ATXN1: variants seen among roughly 807,000 people sequenced by gnomAD.
ATXN1 encodes the protein ataxin-1.
A neutral mutation model predicts 56.4 loss-of-function variants in ATXN1; 8 were observed. The ratio of observed to expected loss-of-function variants is 0.14; its 90% CI spans 0.08 to 0.26. The LOEUF is 0.26. Among genes scored for constraint, ATXN1 ranks in the 10% least tolerant of loss-of-function variants. ATXN1 has a pLI of 1.00. For synonymous variants in ATXN1, 514 were observed against 494.6 expected, an observed-to-expected ratio of 1.04 and a Z score of -0.52; for missense variants, 987 against 1,106.5, an observed-to-expected ratio of 0.89 and a Z score of 1.53.
intron 5 of ATXN1, among the ~76,000 whole-genome samples, chr6:16,487,183 G>T (rs930013829): frequency 6.6e-6 from 1 of 152,134 alleles, no homozygotes; most frequent in Non-Finnish European, 1.5e-5. Context: ...ACAAGAAACA[G>T]AATTTAAGTG....
chr6:16,674,336 CTTTTTTTT>C (rs869081370), intron 2 of ATXN1, among the ~76,000 whole-genome samples: 93 of 78,116 alleles, frequency 1.2e-3, no homozygotes, highest in Middle Eastern at 0.016. Flanking sequence ...AGAGAACTTT[CTTTTTTTT>C]TTTTTTTTTT....
chr6:16,617,848 C>T (rs1763247564), intron 3 of ATXN1, among the ~76,000 whole-genome samples: 1 of 151,290 alleles, frequency 6.6e-6, no homozygotes, highest in Admixed American at 6.6e-5. Flanking sequence ...GATGTCTCCT[C>T]TCAGTGGGGC....
chr6:16,328,584 A>G lies in ATXN1; in HGVS notation c.-160-114T>C, dbSNP rs759873613. ...GGAAAGAACATCTTTGGCAAGATTA[A>G]GACTAGGCCCTGGACTCGGTGTGAA... On this transcript the variant is annotated intron_variant, in intron 6 of 7. Transcript: ENST00000436367. The surrounding 1 kb of genome is among the most constrained non-coding windows in gnomAD (Gnocchi z 6.2). The G allele has an allele frequency of 1.5e-5, 6 of 393,406 alleles. No individual in the cohort carries two copies. Among genetic ancestry groups the G allele is most frequent in the Non-Finnish European group, 1.7e-5 (4 of 237,878 alleles). The allele number at this position is 393,406 out of a possible 1,614,324, so 24.4% of individuals were successfully genotyped here.
At chr6:16,574,791 T>G (rs1309443575) in intron 4 of ATXN1, among the ~76,000 whole-genome samples, 1 of 151,166 alleles carries the variant, frequency 6.6e-6, no homozygotes, top group Non-Finnish European at 1.5e-5. Context: ...TAGGGTGTAT[T>G]AGGATTTCAC....
At chr6:16,656,166 G>C (rs1758197558) in intron 3 of ATXN1, among the ~76,000 whole-genome samples, 1 of 151,896 alleles carries the variant, frequency 6.6e-6, no homozygotes, top group African/African-American at 2.4e-5. Context: ...CTGTCAAATG[G>C]GCAAATGGGG....
At chr6:16,534,899 G>A (rs1761569867) in intron 4 of ATXN1, among the ~76,000 whole-genome samples, 1 of 152,210 alleles carries the variant, frequency 6.6e-6, no homozygotes, top group African/African-American at 2.4e-5. Flanking sequence ...TCTGTATTCT[G>A]ATTTTCTACA....
chr6:16,660,830 T>C (rs1758302529), intron 2 of ATXN1, among the ~76,000 whole-genome samples: 2 of 145,960 alleles, frequency 1.4e-5, no homozygotes, highest in African/African-American at 5.3e-5. Flanking sequence ...TATTTTGTTT[T>C]GGTTTTTTTT....
intron 2 of ATXN1, among the ~76,000 whole-genome samples, chr6:16,679,392 ATGGATGGAT>A: frequency 6.6e-6 from 1 of 151,212 alleles, no homozygotes; most frequent in East Asian, 1.9e-4. Flanking sequence ...GGATGGATGG[ATGGATGGAT>A]GGATGGATGG....
At chr6:16,510,083 T>G (rs1305775131) in intron 5 of ATXN1, among the ~76,000 whole-genome samples, 1 of 152,250 alleles carries the variant, frequency 6.6e-6, no homozygotes, top group Non-Finnish European at 1.5e-5. Context: ...GTGTTTTTAC[T>G]TTTATATACA....
At chr6:16,613,125 C>T (rs369337394) in intron 3 of ATXN1, among the ~76,000 whole-genome samples, 2,652 of 149,202 alleles carry the variant, frequency 0.018, 67 homozygotes, top group African/African-American at 0.057. Flanking sequence ...ATTAGCCGGG[C>T]GCGGTGGCGG....
chr6:16,302,710 T>TA lies in ATXN1; in HGVS notation c.*3618_*3619insT, dbSNP rs1173316970. 6.5e-6 allele frequency: 1 copy of TA among 152,694 alleles called. No homozygotes were observed. Among genetic ancestry groups the TA allele is most frequent in the Non-Finnish European group, 1.5e-5 (1 of 68,052 alleles). 9.5% of individuals were successfully genotyped at this position (152,694 alleles called of 1,614,324 possible). A position where few individuals can be genotyped will look rare whatever the true frequency, so the allele number is the denominator to read the frequency against. On this transcript the variant is annotated 3_prime_UTR_variant, in exon 8 of 8. Transcript: ENST00000436367. ...TCGCCCTGACTAATTTCTTGGTGAT[T>TA]GTGTTCCATTGTAAACGCAAAAGGC...
rs766092576 is a variant in ATXN1, at chr6:16,338,857, C to A, written c.-160-10387G>T. ...GTTTGAGAGTTCATTTTTTTCTTCA[C>A]TTGATAGGTGGGATAATATTTATAA... is the stretch of plus-strand genomic sequence containing the variant. On this transcript the variant is annotated intron_variant, in intron 6 of 7. Transcript: ENST00000436367. Among the ~76,000 whole-genome samples the A allele has an allele frequency of 2.6e-5, 4 of 152,160 alleles. No homozygotes were observed. In the East Asian group the frequency reaches 7.7e-4, roughly 29 times the overall value.
rs527433907 is a variant in ATXN1, at chr6:16,506,321, G to A, written c.-299+16306C>T. Among the ~76,000 whole-genome samples the A allele has an allele frequency of 1.3e-3, 202 of 152,136 alleles. No homozygotes were observed. Among genetic ancestry groups the A allele is most frequent in the Non-Finnish European group, 1.6e-3 (107 of 67,992 alleles). On this transcript the variant is annotated intron_variant, in intron 5 of 7. Transcript: ENST00000436367. This position sits in a 1 kb window ranked among gnomAD's most constrained non-coding sequence, Gnocchi z 4.1. The stretch of plus-strand genomic sequence containing the variant: ...AGTCAAATGAAGAAAGTGGTTTAAG[G>A]GAAATGGTCATTTTCTAATGATTTT...
chr6:16,406,612 T>TG (rs1758689962), intron 6 of ATXN1, among the ~76,000 whole-genome samples: 1 of 152,220 alleles, frequency 6.6e-6, no homozygotes, highest in African/African-American at 2.4e-5. Context: ...AATAAAGAAA[T>TG]CAATGTACTT....
chr6:16,623,117 G>A (rs1356167932), intron 3 of ATXN1, among the ~76,000 whole-genome samples: 1 of 151,954 alleles, frequency 6.6e-6, no homozygotes, highest in Non-Finnish European at 1.5e-5. Context: ...AAACATTCAA[G>A]TAGTTTGGGT....
At chr6:16,644,513 C>CCA (rs1763766695) in intron 3 of ATXN1, among the ~76,000 whole-genome samples, 1 of 92,210 alleles carries the variant, frequency 1.1e-5, no homozygotes, top group East Asian at 2.7e-4. Flanking sequence ...GACTCCGTTT[C>CCA]AAAAAAAAAA....
chr6:16,386,719 C>T lies in ATXN1; in HGVS notation c.-160-58249G>A, dbSNP rs776110772. ...AACAAAAATAAAAGAAATGAAGAAA[C>T]GCATATTAGGACTAAAAGATGTACA... On this transcript the variant is annotated intron_variant, in intron 6 of 7. Coordinates refer to ENST00000436367, the MANE Select transcript of ATXN1 (RefSeq NM_001128164.2). Among the ~76,000 whole-genome samples, 4 of 152,028 alleles carry T rather than the reference C, an allele frequency of 2.6e-5. No homozygotes were observed. The South Asian group carries it at 6.2e-4, about 24-fold the overall frequency.
chr6:16,533,293 TCAAGATATCC>T (rs1403796473), intron 4 of ATXN1, among the ~76,000 whole-genome samples: 9 of 152,188 alleles, frequency 5.9e-5, no homozygotes, highest in Middle Eastern at 6.3e-3. Flanking sequence ...TCTGTTTGGA[TCAAGATATCC>T]CAAGAAGTTT....
intron 5 of ATXN1, among the ~76,000 whole-genome samples, chr6:16,509,069 G>A (rs1366100906): frequency 6.6e-6 from 1 of 152,068 alleles, no homozygotes; most frequent in African/African-American, 2.4e-5. Flanking sequence ...ATTCATAGAG[G>A]CAGAAAGTAG....
Sources: gnomAD v4.1 joint callset for allele counts (sites outside exome capture counted in the v4.1 genomes callset) on GRCh38, gnomAD v4.1.1 for gene constraint, Gnocchi (gnomAD v3.1) non-coding constraint, MANE v1.5 for transcripts, NCBI Gene and HGNC (gene_info 2026-07-23, HGNC 2026-07-21) for gene names.